TTC7B: variants seen among roughly 807,000 people sequenced by gnomAD.
TTC7B encodes tetratricopeptide repeat domain 7B, also known as tetratricopeptide repeat protein 7B.
Under a neutral mutation model 106.8 loss-of-function variants are expected in TTC7B, and 28 were observed. That is an observed-to-expected ratio of 0.26 (90% CI 0.19 to 0.36). The LOEUF (loss-of-function observed/expected upper bound fraction) is 0.36. Ranked by LOEUF, TTC7B falls within the 10% of genes least tolerant of loss-of-function variation. The pLI, the probability that TTC7B is intolerant of heterozygous loss-of-function variation, is 1.00. For missense variants in TTC7B, 862 were observed against 1,076.4 expected (o/e 0.80, Z 2.79); for synonymous variants, 405 against 430.6 (o/e 0.94, Z 0.74).
intron 9 of TTC7B, chr14:90,675,719 T>C (rs1249893374): frequency 6.6e-6 from 1 of 152,170 alleles, no homozygotes; most frequent in Non-Finnish European, 1.5e-5. Context: ...TCATTCCCTG[T>C]CCTCGTGCCC....
chr14:90,705,083 G>T (rs1475050238), intron 5 of TTC7B, among the ~76,000 whole-genome samples: 2 of 152,150 alleles, frequency 1.3e-5, no homozygotes, highest in Admixed American at 1.3e-4. Flanking sequence ...CACTGACATG[G>T]TAATTAAAAT....
At chr14:90,689,441 TA>T (rs1887377810) in intron 7 of TTC7B, 98 bp downstream of exon 7, 1 of 1,086,970 alleles carries the variant, frequency 9.2e-7, no homozygotes, top group Admixed American at 2.7e-5. Context: ...GATTTTCTTT[TA>T]AGGAAAAAAT....
chr14:90,643,616 C>T (rs11622984), intron 15 of TTC7B, among the ~76,000 whole-genome samples: 29,969 of 151,984 alleles, frequency 0.2, 3,691 homozygotes, highest in Admixed American at 0.27. Flanking sequence ...CTCGCTCTGT[C>T]GCCCAGGCTG....
intron 9 of TTC7B, among the ~76,000 whole-genome samples, chr14:90,673,406 G>A (rs1037034692): frequency 4.7e-4 from 71 of 152,248 alleles, no homozygotes; most frequent in African/African-American, 1.7e-3. Flanking sequence ...ATTTCATTAT[G>A]GGCGGAAAGG....
rs71461922 is a variant in TTC7B at position 90,737,546 on chromosome 14, G to GTTT, written c.576+7243_576+7245dup. On this transcript the variant is annotated intron_variant, in intron 4 of 19. Coordinates refer to ENST00000328459, the MANE Select transcript of TTC7B (RefSeq NM_001010854.2). ...AAAAGATCATATATTGTATGATTCT[G>GTTT]TTTTTTTTTTTTTTTTTTTTTTTTT... Among the ~76,000 whole-genome samples the GTTT allele has an allele frequency of 4.0e-3, 363 of 91,766 alleles. 3 individuals are homozygous for GTTT. Among genetic ancestry groups the GTTT allele is most frequent in the Middle Eastern group, 0.011 (1 of 88 alleles). 60.2% of individuals were successfully genotyped at this position (91,766 alleles called of 152,430 possible). A position where few individuals can be genotyped will look rare whatever the true frequency, so the allele number is the denominator to read the frequency against.
intron 3 of TTC7B, among the ~76,000 whole-genome samples, chr14:90,768,726 G>A (rs929088766): frequency 6.6e-6 from 1 of 152,306 alleles, no homozygotes; most frequent in Middle Eastern, 3.4e-3. Flanking sequence ...AAGGTGAAAT[G>A]AAAGGACACT....
intron 17 of TTC7B, among the ~76,000 whole-genome samples, chr14:90,597,433 G>A (rs902345468): frequency 3.3e-5 from 5 of 152,148 alleles, no homozygotes; most frequent in South Asian, 2.1e-4. Context: ...TGAGGCAGGC[G>A]GATCACCTGA....
chr14:90,599,945 T>G (rs955005694), intron 17 of TTC7B, among the ~76,000 whole-genome samples: 4 of 152,036 alleles, frequency 2.6e-5, no homozygotes, highest in African/African-American at 9.7e-5. Context: ...AAAAAAAAAA[T>G]TCTGTTTCTC....
At chr14:90,634,442 TA>T (rs1331827261) in intron 15 of TTC7B, among the ~76,000 whole-genome samples, 166 of 142,260 alleles carry the variant, frequency 1.2e-3, no homozygotes, top group African/African-American at 2.6e-3. Context: ...TCAGACTAAG[TA>T]AAAAAAAAAA....
rs193135153 is a variant in TTC7B, at chr14:90,726,614, T to C, written c.698+3461A>G. Among the ~76,000 whole-genome samples, 740 of 152,274 alleles carry C rather than the reference T, an allele frequency of 4.9e-3. 4 individuals carry two copies. The highest frequency in any genetic ancestry group is 8.1e-3 in the Non-Finnish European group (549 of 68,012). On this transcript the variant is annotated intron_variant, in intron 5 of 19. Transcript: ENST00000328459. ...CATATTTTTATTTGCTCCTCACTACTGCTCTCCGAGGTGACTGATATTCAC... is the reference window on the plus strand; with the variant it reads ...CATATTTTTATTTGCTCCTCACTACCGCTCTCCGAGGTGACTGATATTCAC...
chr14:90,752,148 T>C (rs1030537656), intron 3 of TTC7B, among the ~76,000 whole-genome samples: 1 of 152,232 alleles, frequency 6.6e-6, no homozygotes, highest in Non-Finnish European at 1.5e-5. Flanking sequence ...GCCCAGCCTC[T>C]GAACTGTTCT....
chr14:90,773,811 A>G (rs1482891766), intron 3 of TTC7B, among the ~76,000 whole-genome samples: 2 of 152,106 alleles, frequency 1.3e-5, no homozygotes, highest in East Asian at 3.9e-4. Context: ...CCACCCCTGG[A>G]GGCTGCTCTT....
At chr14:90,797,189 T>C (rs2029930916) in intron 1 of TTC7B, among the ~76,000 whole-genome samples, 1 of 121,594 alleles carries the variant, frequency 8.2e-6, no homozygotes, top group Admixed American at 9.6e-5. Context: ...GTGCAGTGGC[T>C]CACACCTGTA....
At chr14:90,756,455 G>A (rs1280542442) in intron 3 of TTC7B, among the ~76,000 whole-genome samples, 3 of 149,860 alleles carry the variant, frequency 2.0e-5, no homozygotes, top group East Asian at 1.9e-4. Flanking sequence ...GTGCAATGGC[G>A]CGATCTCGGC....
Position 90,689,697 on chromosome 14 carries a change from G to A in TTC7B, c.793C>T (p.Leu265=), listed in dbSNP as rs777207008. 3.7e-6 allele frequency: 6 copies of A among 1,614,002 alleles called. No homozygotes were observed. In the African/African-American group the frequency reaches 5.3e-5, roughly 14 times the overall value. Reference sequence around the variant, plus strand: ...ATACCCCGCAACAAGATCTCTGCCAGCTGCCTGGCTATTGTCTGGGAACAT... The same window carrying A: ...ATACCCCGCAACAAGATCTCTGCCAACTGCCTGGCTATTGTCTGGGAACAT... ...QNLRMTIARQ[L]AEILLRGMCE... The change falls in exon 7 of 20, where the codon CTG becomes TTG. Residue 265 remains leucine (L), a synonymous_variant. Coordinates refer to ENST00000328459, the MANE Select transcript of TTC7B (RefSeq NM_001010854.2).
At chr14:90,609,916 A>G (rs562761583) in intron 17 of TTC7B, among the ~76,000 whole-genome samples, 1 of 152,352 alleles carries the variant, frequency 6.6e-6, no homozygotes, top group Non-Finnish European at 1.5e-5. Context: ...CAAGTGGAAA[A>G]TTCCACACCT....
intron 2 of TTC7B, among the ~76,000 whole-genome samples, chr14:90,781,894 G>A (rs1161963643): frequency 6.6e-6 from 1 of 152,100 alleles, no homozygotes; most frequent in Non-Finnish European, 1.5e-5. Context: ...CCGTCCTCCG[G>A]CACCTAGGGA....
intron 19 of TTC7B, among the ~76,000 whole-genome samples, chr14:90,571,079 G>C (rs1891016752): frequency 6.6e-6 from 1 of 152,184 alleles, no homozygotes; most frequent in African/African-American, 2.4e-5. Flanking sequence ...CCTGGGGCAG[G>C]TGACCAACAG....
In TTC7B at chr14:90,716,016, T is replaced by C. The variant is rs542242833; in HGVS notation, c.698+14059A>G. Among the ~76,000 whole-genome samples the C allele has an allele frequency of 2.1e-4, 32 of 152,352 alleles. No individual in the cohort carries two copies. In the South Asian group the frequency reaches 5.6e-3, roughly 27 times the overall value. ...TGTTAAAGAAAAAATTATTCAATGA[T>C]ACTTGTTAAGGCAGAGTAAGGACTT... On this transcript the variant is annotated intron_variant, in intron 5 of 19. Transcript: ENST00000328459.
Sources: allele counts gnomAD v4.1 joint callset (sites outside exome capture counted in the v4.1 genomes callset), GRCh38; gene constraint gnomAD v4.1.1; transcripts MANE v1.5; gene names NCBI Gene and HGNC (gene_info 2026-07-23, HGNC 2026-07-21).